Variants in DPP6 observed in about 807,000 individuals in gnomAD.
DPP6 encodes A-type potassium channel modulatory protein DPP6.
DPP6 carries 69 observed loss-of-function variants against 122.6 expected under a neutral mutation model. That is an observed-to-expected ratio of 0.56 (90% CI 0.46 to 0.69). The LOEUF is 0.69. Among genes scored for constraint, DPP6 ranks in the 30% least tolerant of loss-of-function variants. The pLI, the probability that DPP6 is intolerant of heterozygous loss-of-function variation, is 0.00. For synonymous variants in DPP6, 418 were observed against 433.1 expected, an observed-to-expected ratio of 0.97 and a Z score of 0.43; for missense variants, 928 against 1,116.9, an observed-to-expected ratio of 0.83 and a Z score of 2.41.
chr7:154,045,487 G>T (rs951220640), intron 1 of DPP6, among the ~76,000 whole-genome samples: 1 of 152,260 alleles, frequency 6.6e-6, no homozygotes, highest in Non-Finnish European at 1.5e-5. Context: ...AGTTTCAGCT[G>T]GTCTGAGACA....
In DPP6 at chr7:154,178,074, G is replaced by A. The variant is rs116501231; in HGVS notation, c.243+125011G>A. ...CCAGGATACTTCAGAAAGCACTTGG[G>A]GTGACCCAAAGCTGGGTCCAGATCA... On this transcript the variant is annotated intron_variant, in intron 1 of 25. Transcript: ENST00000377770. Among the ~76,000 whole-genome samples the A allele has an allele frequency of 4.7e-3, 719 of 152,224 alleles. 1 individual carries two copies. The highest frequency in any genetic ancestry group is 0.016 in the African/African-American group (681 of 41,532).
intron 16 of DPP6, among the ~76,000 whole-genome samples, chr7:154,817,961 G>A (rs535955337): frequency 3.1e-4 from 47 of 152,268 alleles, no homozygotes; most frequent in African/African-American, 9.9e-4. Context: ...ATGATGTTTG[G>A]TGTAATCCCC....
At chr7:154,548,186 G>T (rs532096954) in intron 4 of DPP6, among the ~76,000 whole-genome samples, 1 of 152,054 alleles carries the variant, frequency 6.6e-6, no homozygotes, top group Admixed American at 6.6e-5. Context: ...TCCAGCCTGG[G>T]CAACAGAGAG....
the DPP6 span, among the ~76,000 whole-genome samples, chr7:153,851,527 G>A: frequency 1.3e-4 from 19 of 151,912 alleles, 1 homozygote; most frequent in Admixed American, 9.8e-4. Context: ...GTACTTAATC[G>A]GATATTTTTC....
chr7:154,471,938 C>T (rs1478109387), intron 2 of DPP6, among the ~76,000 whole-genome samples: 2 of 152,028 alleles, frequency 1.3e-5, no homozygotes, highest in African/African-American at 4.8e-5. Context: ...GGTAATAGAA[C>T]AGTCTAGGTG....
At chr7:154,474,444 C>T (rs1822547822) in intron 2 of DPP6, among the ~76,000 whole-genome samples, 1 of 152,150 alleles carries the variant, frequency 6.6e-6, no homozygotes, top group South Asian at 2.1e-4. Flanking sequence ...CAAGAACTAA[C>T]CCACAACCCA....
chr7:154,062,324 A>G (rs1208423868), intron 1 of DPP6, among the ~76,000 whole-genome samples: 44 of 47,894 alleles, frequency 9.2e-4, no homozygotes, highest in Admixed American at 1.6e-3. Flanking sequence ...CCATCGCAGG[A>G]GGGGGAGGCA....
intron 1 of DPP6, among the ~76,000 whole-genome samples, chr7:154,159,781 TATTA>T (rs1796884574): frequency 6.6e-6 from 1 of 152,246 alleles, no homozygotes; most frequent in African/African-American, 2.4e-5. Flanking sequence ...CCAACAGCAC[TATTA>T]GTTGGTAATA....
chr7:154,168,798 G>A (rs749667946), intron 1 of DPP6, among the ~76,000 whole-genome samples: 4 of 152,208 alleles, frequency 2.6e-5, no homozygotes, highest in Non-Finnish European at 5.9e-5. Flanking sequence ...GTCAAGATTC[G>A]TTGAGCTAGG....
intron 1 of DPP6, among the ~76,000 whole-genome samples, chr7:154,276,904 T>A (rs1177334107): frequency 6.6e-6 from 1 of 152,232 alleles, no homozygotes; most frequent in South Asian, 2.1e-4. Context: ...AACACATGCC[T>A]GCATGAAGCT....
intron 1 of DPP6, among the ~76,000 whole-genome samples, chr7:154,157,412 C>T (rs545432248): frequency 6.6e-6 from 1 of 152,326 alleles, no homozygotes; most frequent in Non-Finnish European, 1.5e-5. Context: ...AAGTCATTCT[C>T]TAGTTGTCTT....
At chr7:154,746,552 G>T (rs1304134338) in intron 8 of DPP6, among the ~76,000 whole-genome samples, 1 of 151,994 alleles carries the variant, frequency 6.6e-6, no homozygotes, top group Admixed American at 6.6e-5. Flanking sequence ...TTTCTATCTG[G>T]GATTATTTTG....
intron 5 of DPP6, among the ~76,000 whole-genome samples, chr7:154,599,079 A>G (rs1833269458): frequency 6.6e-6 from 1 of 152,178 alleles, no homozygotes; most frequent in Non-Finnish European, 1.5e-5. Context: ...AGGGCGATAC[A>G]TTTTGGGAAT....
At position 154,875,190 on chromosome 7, in the gene DPP6, C is replaced by A. The variant is rs1339286205; in HGVS notation, c.1884-716C>A. 1.3e-5 allele frequency among the ~76,000 whole-genome samples: 2 copies of A among 152,100 alleles called. No individual in the cohort carries two copies. The highest frequency in any genetic ancestry group is 3.9e-4 in the East Asian group (2 of 5,188). ...GGAGGGAGGAAGGGAGGGAACAGCC[C>A]TGTTTGAGGAAAAAGAAAACAGCCC... On this transcript the variant is annotated intron_variant, in intron 19 of 25. Transcript: ENST00000377770. This position sits in a 1 kb window ranked among gnomAD's most constrained non-coding sequence, Gnocchi z 4.5.
intron 1 of DPP6, among the ~76,000 whole-genome samples, chr7:154,090,257 C>T (rs1804707933): frequency 6.6e-6 from 1 of 152,102 alleles, no homozygotes; most frequent in Non-Finnish European, 1.5e-5. Flanking sequence ...GGTTTCTGCT[C>T]TAGGCTGTGG....
At chr7:154,303,756 C>T (rs1806070415) in intron 1 of DPP6, among the ~76,000 whole-genome samples, 1 of 152,168 alleles carries the variant, frequency 6.6e-6, no homozygotes, top group African/African-American at 2.4e-5. Flanking sequence ...GCCATCTACC[C>T]AGACTTCTTA....
chr7:154,722,396 C>T (rs1554446011), intron 7 of DPP6, among the ~76,000 whole-genome samples: 1 of 152,222 alleles, frequency 6.6e-6, no homozygotes, highest in Non-Finnish European at 1.5e-5. Context: ...AATGGGAACT[C>T]CTTAGGGCCA....
chr7:154,828,310 T>C (rs1800348323), intron 16 of DPP6, among the ~76,000 whole-genome samples: 1 of 150,758 alleles, frequency 6.6e-6, no homozygotes, highest in Admixed American at 6.6e-5. Flanking sequence ...TTGAAGTTGC[T>C]GTAAAATCTT....
intron 1 of DPP6, among the ~76,000 whole-genome samples, chr7:153,911,264 A>G (rs140082053): frequency 6.6e-4 from 101 of 152,216 alleles, no homozygotes; most frequent in Non-Finnish European, 1.1e-3. Flanking sequence ...CTTCCTGTAG[A>G]CCTTCATGCT....
Sources: gnomAD v4.1 joint callset for allele counts (sites outside exome capture counted in the v4.1 genomes callset) on GRCh38, gnomAD v4.1.1 for gene constraint, Gnocchi (gnomAD v3.1) non-coding constraint, MANE v1.5 for transcripts, NCBI Gene and HGNC (gene_info 2026-07-23, HGNC 2026-07-21) for gene names.